NRG1: variants seen among roughly 807,000 people sequenced by gnomAD.
The protein encoded by NRG1 is neuregulin 1.
In NRG1, 18 loss-of-function variants were observed where a neutral mutation model predicts 63.8. That is an observed-to-expected ratio of 0.28 (90% CI 0.19 to 0.42). The LOEUF is 0.42. Among genes scored for constraint, NRG1 ranks in the 10% least tolerant of loss-of-function variants. The pLI, the probability that NRG1 is intolerant of heterozygous loss-of-function variation, is 1.00. For missense variants in NRG1, 762 were observed against 814.7 expected (o/e 0.94, Z 0.79); for synonymous variants, 302 against 301.3 (o/e 1.00, Z -0.02).
At chr8:31,827,760 C>A (rs1041633144) in intron 1 of NRG1, among the ~76,000 whole-genome samples, 1 of 152,196 alleles carries the variant, frequency 6.6e-6, no homozygotes, top group Non-Finnish European at 1.5e-5. Context: ...CTTTGAAAGT[C>A]TGGCTTTCAT....
At chr8:32,398,558 C>T (rs1298254047) in intron 1 of NRG1, among the ~76,000 whole-genome samples, 3 of 151,940 alleles carry the variant, frequency 2.0e-5, no homozygotes, top group Non-Finnish European at 4.4e-5. Flanking sequence ...TTACAAGTGC[C>T]CGCCATTATG....
intron 1 of NRG1, among the ~76,000 whole-genome samples, chr8:32,493,742 TTGCTCTTA>T (rs1369991896): frequency 6.6e-6 from 1 of 152,222 alleles, no homozygotes; most frequent in Non-Finnish European, 1.5e-5. Context: ...TACGCCAGTT[TTGCTCTTA>T]ATGTTGCCTG....
intron 1 of NRG1, among the ~76,000 whole-genome samples, chr8:32,076,349 A>G (rs1826545471): frequency 6.6e-6 from 1 of 152,252 alleles, no homozygotes; most frequent in Non-Finnish European, 1.5e-5. Flanking sequence ...GCGTATTTCA[A>G]ATGGATAAAT....
intron 1 of NRG1, among the ~76,000 whole-genome samples, chr8:32,133,303 AGTGG>A (rs1299898713): frequency 1.3e-5 from 2 of 152,088 alleles, no homozygotes; most frequent in Non-Finnish European, 2.9e-5. Context: ...GTTTAGAAAA[AGTGG>A]GTATGGAGAA....
chr8:32,118,474 G>A (rs1833028092), intron 1 of NRG1, among the ~76,000 whole-genome samples: 1 of 151,968 alleles, frequency 6.6e-6, no homozygotes, highest in African/African-American at 2.4e-5. Context: ...CCAGATCATT[G>A]CTTCTTACAC....
chr8:32,743,582 A>ATATATATATATATATATG (rs1302414724), intron 7 of NRG1, among the ~76,000 whole-genome samples: 1 of 144,802 alleles, frequency 6.9e-6, no homozygotes, highest in Non-Finnish European at 1.5e-5. Flanking sequence ...ACATATATAT[A>ATATATATATATATATATG]TATATATATA....
At chr8:32,758,927 T>C (rs1589632325) in intron 9 of NRG1, among the ~76,000 whole-genome samples, 1 of 152,304 alleles carries the variant, frequency 6.6e-6, no homozygotes, top group South Asian at 2.1e-4. Context: ...CATTTAGCCT[T>C]CTTCACCTTG....
chr8:32,258,218 T>C (rs577403170), intron 1 of NRG1, among the ~76,000 whole-genome samples: 1 of 152,362 alleles, frequency 6.6e-6, no homozygotes. Context: ...TGACTCAGTC[T>C]CTTTGTCTGT....
intron 1 of NRG1, among the ~76,000 whole-genome samples, chr8:32,323,535 A>G (rs1249300010): frequency 6.6e-6 from 1 of 152,214 alleles, no homozygotes; most frequent in Non-Finnish European, 1.5e-5. Flanking sequence ...CATCCCTTGG[A>G]ACAGAAGCCA....
At chr8:31,837,360 T>C (rs1825772760) in intron 1 of NRG1, among the ~76,000 whole-genome samples, 1 of 152,036 alleles carries the variant, frequency 6.6e-6, no homozygotes, top group Non-Finnish European at 1.5e-5. Context: ...TATTTTTAAT[T>C]TTAATTAATT....
chr8:31,819,282 G>C (rs1285686162), intron 1 of NRG1, among the ~76,000 whole-genome samples: 1 of 151,978 alleles, frequency 6.6e-6, no homozygotes, highest in African/African-American at 2.4e-5. Flanking sequence ...GGTGATTCAA[G>C]TATAAAACAA....
At position 31,997,458 on chromosome 8, in the gene NRG1, C is replaced by T. The variant is rs952334880; in HGVS notation, c.37+358027C>T. On this transcript the variant is annotated intron_variant, in intron 1 of 10. Transcript: ENST00000519301. ...TTTTGATGGTGAAATAGAAATAACGCTTCACATTTTATAACACATTATATT... is the reference window on the plus strand; with the variant it reads ...TTTTGATGGTGAAATAGAAATAACGTTTCACATTTTATAACACATTATATT... Among the ~76,000 whole-genome samples the T allele has an allele frequency of 4.6e-5, 7 of 151,924 alleles. No individual in the cohort carries two copies. In the East Asian group the frequency reaches 1.2e-3, roughly 25 times the overall value.
chr8:31,976,258 A>G (rs1029522812), intron 1 of NRG1, among the ~76,000 whole-genome samples: 1 of 152,178 alleles, frequency 6.6e-6, no homozygotes, highest in Non-Finnish European at 1.5e-5. Context: ...GCTTCAAGTT[A>G]ATGTTATACA....
chr8:32,677,666 G>GA (rs1807500700), intron 5 of NRG1, among the ~76,000 whole-genome samples: 1 of 151,668 alleles, frequency 6.6e-6, no homozygotes, highest in Non-Finnish European at 1.5e-5. Flanking sequence ...CAAAAAAAAA[G>GA]AAAAAAATTA....
chr8:32,297,423 A>G (rs1018923377), intron 1 of NRG1, among the ~76,000 whole-genome samples: 3 of 151,824 alleles, frequency 2.0e-5, no homozygotes, highest in African/African-American at 7.2e-5. Context: ...GATGTAATGT[A>G]TAATCAGTTA....
intron 1 of NRG1, among the ~76,000 whole-genome samples, chr8:32,377,153 G>A (rs1412989142): frequency 6.6e-6 from 1 of 152,190 alleles, no homozygotes; most frequent in African/African-American, 2.4e-5. Context: ...TGCACATAGA[G>A]TGTTCAACAT....
At chr8:31,649,726 C>T (rs556024269) in intron 1 of NRG1, among the ~76,000 whole-genome samples, 3 of 152,236 alleles carry the variant, frequency 2.0e-5, no homozygotes, top group Non-Finnish European at 4.4e-5. Flanking sequence ...AAAGAATAAG[C>T]TTAGAGAATG....
At chr8:31,834,305 GCGCACA>G (rs1223426746) in intron 1 of NRG1, among the ~76,000 whole-genome samples, 1 of 144,244 alleles carries the variant, frequency 6.9e-6, no homozygotes, top group African/African-American at 2.5e-5. Flanking sequence ...GCGCGCACGC[GCGCACA>G]CACACACACA....
rs1433089734 is a variant in NRG1, at chr8:31,959,782, ATTTATTTATTTATTATTTATTTATTTAT to A, written c.37+320354_37+320381del. Among the ~76,000 whole-genome samples, 7 of 120,172 alleles carry A rather than the reference ATTTATTTATTTATTATTTATTTATTTAT, an allele frequency of 5.8e-5. No individual in the cohort carries two copies. The Middle Eastern group carries it at 0.012, about 209-fold the overall frequency. The allele number at this position is 120,172 out of a possible 152,430, so 78.8% of individuals were successfully genotyped here. On this transcript the variant is annotated intron_variant, in intron 1 of 10. Coordinates refer to the NRG1 transcript ENST00000519301. ...CTGGAACCCCAAGCAACCACCGATTATTTATTTATTTATTATTTATTTATTTATTTATTTATTTATTTATTTATTTATT... is the reference window on the plus strand; with the variant it reads ...CTGGAACCCCAAGCAACCACCGATTATTATTTATTTATTTATTTATTTATT...
Sources: allele counts gnomAD v4.1 joint callset (sites outside exome capture counted in the v4.1 genomes callset), GRCh38; gene constraint gnomAD v4.1.1; transcripts MANE v1.5; gene names NCBI Gene and HGNC (gene_info 2026-07-23, HGNC 2026-07-21).